LIMCH1: variants seen among roughly 807,000 people sequenced by gnomAD.
The protein encoded by LIMCH1 is LIM and calponin homology domains 1.
In LIMCH1, 113 loss-of-function variants were observed where a neutral mutation model predicts 176.5. The ratio of observed to expected loss-of-function variants is 0.64; its 90% CI spans 0.55 to 0.75. The LOEUF (loss-of-function observed/expected upper bound fraction) is 0.75. Among genes scored for constraint, LIMCH1 ranks in the 30% least tolerant of loss-of-function variants. The probability of loss-of-function intolerance (pLI) is 0.00; values close to 1 mark genes in which losing one functional copy is unlikely to be tolerated. For synonymous variants in LIMCH1, 619 were observed against 645.9 expected (o/e 0.96, Z 0.63); for missense variants, 1,674 against 1,814.9 (o/e 0.92, Z 1.41).
At chr4:41,545,783 A>T (rs540999958) in intron 1 of LIMCH1, among the ~76,000 whole-genome samples, 24 of 152,334 alleles carry the variant, frequency 1.6e-4, no homozygotes, top group Non-Finnish European at 7.4e-5. Context: ...GTCAGCACAG[A>T]GCTTATGTAT....
At chr4:41,621,279 C>G (rs1343963295) in intron 7 of LIMCH1, among the ~76,000 whole-genome samples, 1 of 152,114 alleles carries the variant, frequency 6.6e-6, no homozygotes, top group Non-Finnish European at 1.5e-5. Context: ...GTATCCAGTC[C>G]TGATAGCTTC....
intron 1 of LIMCH1, among the ~76,000 whole-genome samples, chr4:41,581,327 C>T (rs1339024163): frequency 6.6e-6 from 1 of 152,154 alleles, no homozygotes; most frequent in East Asian, 1.9e-4. Context: ...AAGATCTACT[C>T]TCCTAGCAAA....
At chr4:41,623,195 A>AAAT (rs1166408647) in intron 7 of LIMCH1, among the ~76,000 whole-genome samples, 1 of 152,234 alleles carries the variant, frequency 6.6e-6, no homozygotes, top group Non-Finnish European at 1.5e-5. Context: ...GGTGTCTGGA[A>AAAT]AATAGGAATT....
At position 41,697,444 on chromosome 4, in the gene LIMCH1, A is replaced by C; in HGVS notation, c.*259A>C. ...GTTGTAATGATCCTGAATAGCTCAAAAAAGGTTTTAGCATGGTCAAACAGG... is the reference window on the plus strand; with the variant it reads ...GTTGTAATGATCCTGAATAGCTCAACAAAGGTTTTAGCATGGTCAAACAGG... On this transcript the variant is annotated 3_prime_UTR_variant, in exon 32 of 32. Coordinates refer to ENST00000503057, the MANE Select transcript of LIMCH1 (RefSeq NM_001330672.2). 2.4e-6 allele frequency: 1 copy of C among 421,626 alleles called. No individual in the cohort carries two copies. The highest frequency in any genetic ancestry group is 4.2e-6 in the Non-Finnish European group (1 of 237,902). The allele number at this position is 421,626 out of a possible 1,614,324, so 26.1% of individuals were successfully genotyped here. A position where few individuals can be genotyped will look rare whatever the true frequency, so the allele number is the denominator to read the frequency against.
chr4:41,608,749 C>A (rs909682462), intron 4 of LIMCH1, among the ~76,000 whole-genome samples: 3 of 152,042 alleles, frequency 2.0e-5, no homozygotes, highest in Admixed American at 6.6e-5. Context: ...AAAAGTCCTT[C>A]CAAAGGAAGT....
At chr4:41,658,305 GCT>G (rs940308830) in intron 18 of LIMCH1, among the ~76,000 whole-genome samples, 1 of 152,178 alleles carries the variant, frequency 6.6e-6, no homozygotes, top group Non-Finnish European at 1.5e-5. Flanking sequence ...TTCTGCTGTT[GCT>G]ACTATCAAGT....
At chr4:41,635,913 G>C (rs1241795387) in intron 13 of LIMCH1, among the ~76,000 whole-genome samples, 2 of 152,010 alleles carry the variant, frequency 1.3e-5, no homozygotes, top group Non-Finnish European at 2.9e-5. Flanking sequence ...ACCCTCAAAA[G>C]TAAACTTTAT....
At chr4:41,470,031 T>C (rs2066720544) in intron 1 of LIMCH1, among the ~76,000 whole-genome samples, 2 of 152,164 alleles carry the variant, frequency 1.3e-5, no homozygotes, top group Admixed American at 1.3e-4. Context: ...AGCATAATTA[T>C]GGGATTTTGT....
rs201283279 is a variant in LIMCH1 at position 41,422,113 on chromosome 4, ACAG to A, written c.96+61178_96+61180del. 4.3e-3 allele frequency among the ~76,000 whole-genome samples: 650 copies of A among 152,210 alleles called. 4 individuals are homozygous for A. Among genetic ancestry groups the A allele is most frequent in the African/African-American group, 0.015 (627 of 41,542 alleles). ...AAGCAAAGAAACAAATAAACAAACA[ACAG>A]AGAGTGAGAGAGATTAGAGACTTTT... is the stretch of plus-strand genomic sequence containing the variant. On this transcript the variant is annotated intron_variant, in intron 1 of 26. Transcript: ENST00000313860.
chr4:41,494,452 C>A, intron 1 of LIMCH1: 1 of 888,620 alleles, frequency 1.1e-6, no homozygotes, highest in Non-Finnish European at 1.8e-6. Context: ...TGTACACACA[C>A]ATACACACAC....
intron 1 of LIMCH1, among the ~76,000 whole-genome samples, chr4:41,402,904 C>A (rs2058602346): frequency 6.7e-6 from 1 of 150,348 alleles, no homozygotes; most frequent in Admixed American, 6.6e-5. Context: ...TGCAGCACAC[C>A]AGCATGGCAC....
chr4:41,684,320 C>G, intron 26 of LIMCH1, 77 bp from the exon 27 acceptor site: 1 of 1,348,204 alleles, frequency 7.4e-7, no homozygotes, highest in Non-Finnish European at 1.0e-6. Flanking sequence ...TACTCCCATC[C>G]TTTAAGTTAT....
chr4:41,636,192 G>A (rs115730516), intron 13 of LIMCH1, among the ~76,000 whole-genome samples: 2,358 of 151,326 alleles, frequency 0.016, 71 homozygotes, highest in African/African-American at 0.055. Flanking sequence ...TTATAGGCAT[G>A]AGCCACCATG....
chr4:41,469,665 G>GATTGATTGATTGATTTATTT (rs1554061021), intron 1 of LIMCH1, among the ~76,000 whole-genome samples: 1 of 148,248 alleles, frequency 6.7e-6, no homozygotes, highest in African/African-American at 2.5e-5. Flanking sequence ...CTTGTTTTGA[G>GATTGATTGATTGATTTATTT]ATTTATTTAT....
intron 1 of LIMCH1, among the ~76,000 whole-genome samples, chr4:41,538,773 G>A (rs2078246416): frequency 6.6e-6 from 1 of 152,074 alleles, no homozygotes; most frequent in South Asian, 2.1e-4. Flanking sequence ...CTTCACCTGA[G>A]CCCCTGTCAC....
chr4:41,400,619 G>C (rs2058332823), intron 1 of LIMCH1, among the ~76,000 whole-genome samples: 1 of 152,156 alleles, frequency 6.6e-6, no homozygotes, highest in East Asian at 1.9e-4. Flanking sequence ...TAGTTAAAAT[G>C]ATTATTATGC....
At chr4:41,648,032 A>G (rs1043611289) in intron 17 of LIMCH1, among the ~76,000 whole-genome samples, 3 of 152,190 alleles carry the variant, frequency 2.0e-5, no homozygotes, top group African/African-American at 4.8e-5. Flanking sequence ...AAGATGAGCT[A>G]CTAATCATAT....
intron 4 of LIMCH1, chr4:41,612,831 G>A: frequency 8.1e-7 from 1 of 1,240,126 alleles, no homozygotes; most frequent in Non-Finnish European, 1.1e-6. Context: ...AAAGCGTTTT[G>A]CATATTTTTC....
At chr4:41,593,929 A>C (rs1001579594) in intron 1 of LIMCH1, among the ~76,000 whole-genome samples, 5 of 150,750 alleles carry the variant, frequency 3.3e-5, no homozygotes, top group Non-Finnish European at 7.4e-5. Context: ...CATACTCGCA[A>C]CCTCTCTCTC....
Sources: gnomAD v4.1 joint callset for allele counts (sites outside exome capture counted in the v4.1 genomes callset) on GRCh38, gnomAD v4.1.1 for gene constraint, MANE v1.5 for transcripts, NCBI Gene and HGNC (gene_info 2026-07-23, HGNC 2026-07-21) for gene names.